Variants in ARHGAP6 observed in about 807,000 individuals in gnomAD.
ARHGAP6 encodes the protein rho GTPase-activating protein 6.
In ARHGAP6, 16 loss-of-function variants were observed where a neutral mutation model predicts 55.7. The ratio of observed to expected loss-of-function variants is 0.29; its 90% CI spans 0.19 to 0.44. The LOEUF (loss-of-function observed/expected upper bound fraction) is 0.44. Ranked by LOEUF, ARHGAP6 falls within the 20% of genes least tolerant of loss-of-function variation. The pLI is 1.00. For missense variants in ARHGAP6, 698 were observed against 808.9 expected, an observed-to-expected ratio of 0.86 and a Z score of 1.66; for synonymous variants, 382 against 360.9, an observed-to-expected ratio of 1.06 and a Z score of -0.66.
At chrX:11,470,833 C>T (rs971654294) in intron 1 of ARHGAP6, among the ~76,000 whole-genome samples, 4 of 111,913 alleles carry the variant, frequency 3.6e-5, no homozygotes, top group Non-Finnish European at 7.5e-5. Flanking sequence ...GAGTTAAATG[C>T]TCTGCTGCTG....
chrX:11,639,484 T>C (rs1055869940), intron 1 of ARHGAP6, among the ~76,000 whole-genome samples: 32 of 110,812 alleles, frequency 2.9e-4, no homozygotes, highest in Non-Finnish European at 3.2e-4. Flanking sequence ...GTCCTTGTGA[T>C]AGTTTGCTGA....
intron 1 of ARHGAP6, among the ~76,000 whole-genome samples, chrX:11,346,705 T>C (rs1235676841): frequency 2.2e-5 from 1 of 46,469 alleles, no homozygotes; most frequent in East Asian, 4.7e-4. Flanking sequence ...TGAGACCCTG[T>C]CTCAAGAAGA....
chrX:11,147,193 AT>A (rs1261281110), intron 10 of ARHGAP6, among the ~76,000 whole-genome samples: 7 of 112,504 alleles, frequency 6.2e-5, no homozygotes, highest in African/African-American at 2.3e-4. Context: ...ATATACATGC[AT>A]CAACATATGA....
At chrX:11,288,291 T>G in intron 1 of ARHGAP6, among the ~76,000 whole-genome samples, 1 of 112,003 alleles carries the variant, frequency 8.9e-6, no homozygotes, top group Admixed American at 9.5e-5. Context: ...GTTAAATGCT[T>G]AGAACCATGG....
At chrX:11,178,330 T>G in intron 7 of ARHGAP6, 82 bp from the exon 8 acceptor site, 1 of 1,038,846 alleles carries the variant, frequency 9.6e-7, no homozygotes, top group Non-Finnish European at 1.3e-6. Context: ...CTCTCAATTG[T>G]CTTAAGAAAG....
intron 2 of ARHGAP6, among the ~76,000 whole-genome samples, chrX:11,204,819 CCTTTT>C (rs2046680768): frequency 8.9e-6 from 1 of 111,745 alleles, no homozygotes; most frequent in African/African-American, 3.3e-5. Context: ...GTAAAAAACT[CCTTTT>C]GATTTGACCT....
intron 1 of ARHGAP6, among the ~76,000 whole-genome samples, chrX:11,362,023 G>A (rs1224145607): frequency 2.7e-5 from 3 of 111,918 alleles, no homozygotes; most frequent in East Asian, 2.8e-4. Flanking sequence ...TGGAGAGGAT[G>A]TGGAGAAATA....
At chrX:11,203,805 CA>C (rs2046667286) in intron 2 of ARHGAP6, among the ~76,000 whole-genome samples, 1 of 111,778 alleles carries the variant, frequency 8.9e-6, no homozygotes. Flanking sequence ...CTCACTCCTA[CA>C]TACTCAAACT....
intron 1 of ARHGAP6, among the ~76,000 whole-genome samples, chrX:11,433,033 G>A (rs1301260208): frequency 1.8e-5 from 2 of 112,487 alleles, no homozygotes; most frequent in African/African-American, 6.5e-5. Flanking sequence ...GAAGAATGAA[G>A]GTTCTCATTC....
At chrX:11,525,869 G>A (rs749770267) in intron 1 of ARHGAP6, among the ~76,000 whole-genome samples, 169 of 110,722 alleles carry the variant, frequency 1.5e-3, no homozygotes, top group African/African-American at 5.2e-3. Flanking sequence ...TAACCACATG[G>A]GCCCCTCCAT....
At chrX:11,237,990 G>T (rs767914873) in intron 2 of ARHGAP6, among the ~76,000 whole-genome samples, 71 of 111,605 alleles carry the variant, frequency 6.4e-4, no homozygotes, top group African/African-American at 2.2e-3. Flanking sequence ...CCCCACCACT[G>T]TTGTGACCAC....
intron 2 of ARHGAP6, among the ~76,000 whole-genome samples, chrX:11,239,163 G>A (rs979133379): frequency 1.8e-5 from 2 of 111,258 alleles, no homozygotes; most frequent in Admixed American, 9.6e-5. Context: ...TTGAGGTTAT[G>A]TTATTATGTT....
chrX:11,307,094 C>T (rs923340642), intron 1 of ARHGAP6, among the ~76,000 whole-genome samples: 7 of 110,710 alleles, frequency 6.3e-5, no homozygotes, highest in African/African-American at 2.3e-4. Context: ...GTCCAGTGCT[C>T]GTAGAAACCA....
intron 9 of ARHGAP6, chrX:11,169,231 G>A (rs1032751388): frequency 6.4e-5 from 16 of 251,935 alleles, no homozygotes; most frequent in Non-Finnish European, 1.1e-4. Flanking sequence ...CAAGGACACT[G>A]CTTTATAATT....
chrX:11,408,307 GT>G (rs1355459710), intron 1 of ARHGAP6, among the ~76,000 whole-genome samples: 1 of 111,090 alleles, frequency 9.0e-6, no homozygotes. Flanking sequence ...TGCATACAGT[GT>G]GGCAAACGTT....
chrX:11,349,653 A>C (rs2048833889), intron 1 of ARHGAP6, among the ~76,000 whole-genome samples: 1 of 112,311 alleles, frequency 8.9e-6, no homozygotes. Flanking sequence ...AATATTATGA[A>C]ATCCAGTAGG....
intron 1 of ARHGAP6, among the ~76,000 whole-genome samples, chrX:11,328,053 C>A (rs1271801158): frequency 1.8e-5 from 2 of 112,289 alleles, no homozygotes; most frequent in African/African-American, 6.5e-5. Flanking sequence ...CCTTTCAAAC[C>A]ATATTCAGTG....
intron 2 of ARHGAP6, among the ~76,000 whole-genome samples, chrX:11,221,580 G>A (rs904547723): frequency 9.0e-6 from 1 of 111,452 alleles, no homozygotes; most frequent in Non-Finnish European, 1.9e-5. Context: ...TCTAATAATG[G>A]GCAAGTGAGA....
intron 1 of ARHGAP6, among the ~76,000 whole-genome samples, chrX:11,423,002 A>T (rs137956483): frequency 0.042 from 4,759 of 112,223 alleles, 205 homozygotes; most frequent in African/African-American, 0.13. Context: ...AAAGGTATCT[A>T]CAATTAGTAG....
Sources: allele counts gnomAD v4.1 joint callset (sites outside exome capture counted in the v4.1 genomes callset), GRCh38; gene constraint gnomAD v4.1.1; transcripts MANE v1.5; gene names NCBI Gene and HGNC (gene_info 2026-07-23, HGNC 2026-07-21).